MBD5: variants seen among roughly 807,000 people sequenced by gnomAD.
MBD5 encodes methyl-CpG binding domain protein 5.
A neutral mutation model predicts 117.3 loss-of-function variants in MBD5; 13 were observed. That is an observed-to-expected ratio of 0.11 (90% CI 0.07 to 0.18). The LOEUF (loss-of-function observed/expected upper bound fraction) is 0.18, where lower values mean the gene tolerates loss of function less well. Among genes scored for constraint, MBD5 ranks in the 10% least tolerant of loss-of-function variants. The probability of loss-of-function intolerance (pLI) is 1.00; values close to 1 mark genes in which losing one functional copy is unlikely to be tolerated. For synonymous variants in MBD5, 727 were observed against 766.4 expected, an observed-to-expected ratio of 0.95 and a Z score of 0.85; for missense variants, 1,879 against 2,093.8, an observed-to-expected ratio of 0.90 and a Z score of 2.00.
At chr2:148,434,577 T>C (rs1390758167) in intron 4 of MBD5, among the ~76,000 whole-genome samples, 2 of 152,140 alleles carry the variant, frequency 1.3e-5, no homozygotes, top group African/African-American at 4.8e-5. Flanking sequence ...TGAGTGATTA[T>C]CTTACTGTTG....
intron 12 of MBD5, among the ~76,000 whole-genome samples, chr2:148,503,654 G>A (rs12466963): frequency 0.1 from 15,953 of 152,174 alleles, 967 homozygotes; most frequent in South Asian, 0.14. Context: ...TCCTTTAAAA[G>A]GTAGCAAATT....
At chr2:148,371,215 C>A (rs931556939) in intron 4 of MBD5, among the ~76,000 whole-genome samples, 22 of 152,084 alleles carry the variant, frequency 1.4e-4, no homozygotes, top group Admixed American at 1.4e-3. Context: ...AATACTCTTG[C>A]CCTTTTAATG....
chr2:148,390,899 A>G (rs1704554232), intron 4 of MBD5, among the ~76,000 whole-genome samples: 1 of 152,222 alleles, frequency 6.6e-6, no homozygotes, highest in African/African-American at 2.4e-5. Context: ...TAAATAAAAT[A>G]TACATCCTAT....
At chr2:148,446,113 C>A (rs532190429) in intron 4 of MBD5, among the ~76,000 whole-genome samples, 1 of 151,030 alleles carries the variant, frequency 6.6e-6, no homozygotes, top group Non-Finnish European at 1.5e-5. Flanking sequence ...GTTTCTTTTG[C>A]TGTGCACAAG....
chr2:148,401,797 G>A (rs923174910), intron 4 of MBD5, among the ~76,000 whole-genome samples: 2 of 151,838 alleles, frequency 1.3e-5, no homozygotes, highest in African/African-American at 4.8e-5. Flanking sequence ...ATCTTTTTCA[G>A]GATCCAATCC....
At chr2:148,335,376 G>A (rs1479193261) in intron 3 of MBD5, among the ~76,000 whole-genome samples, 2 of 152,008 alleles carry the variant, frequency 1.3e-5, no homozygotes, top group Non-Finnish European at 2.9e-5. Context: ...GCAAGACCCT[G>A]TCTCAGAACA....
At position 148,485,881 on chromosome 2, in the gene MBD5, C is replaced by T. The variant is rs1416918558; in HGVS notation, c.3684C>T (p.Phe1228=). ...LLQGYQNLQA[F]QGQSTIPCPA... ...AGGGGTACCAGAATCTCCAGGCGTT[C>T]CAAGGACAGTCCACAATTCCTTGCC... is the stretch of plus-strand genomic sequence containing the variant. The change falls in exon 10 of 14, where the codon TTC becomes TTT. Residue 1228 remains phenylalanine (F), a synonymous_variant. Coordinates refer to ENST00000642680, the MANE Select transcript of MBD5 (RefSeq NM_001378120.1). 6.2e-7 allele frequency: 1 copy of T among 1,614,000 alleles called. No homozygotes were observed. The highest frequency in any genetic ancestry group is 8.5e-7 in the Non-Finnish European group (1 of 1,179,996).
intron 4 of MBD5, among the ~76,000 whole-genome samples, chr2:148,352,755 G>T (rs573605109): frequency 2.6e-5 from 4 of 152,002 alleles, no homozygotes; most frequent in Non-Finnish European, 5.9e-5. Context: ...CTTATGGAAT[G>T]CTTGGAACCA....
At chr2:148,504,918 C>G (rs1205448506) in intron 12 of MBD5, among the ~76,000 whole-genome samples, 1 of 152,028 alleles carries the variant, frequency 6.6e-6, no homozygotes, top group African/African-American at 2.4e-5. Flanking sequence ...TTGGAAGTGC[C>G]TAAAGGGGGC....
At chr2:148,306,069 A>G (rs527415766) in intron 3 of MBD5, among the ~76,000 whole-genome samples, 19 of 152,210 alleles carry the variant, frequency 1.2e-4, no homozygotes, top group Non-Finnish European at 2.6e-4. Flanking sequence ...TGAACTTTTC[A>G]TAAGGAATCT....
At chr2:148,425,162 G>T (rs1705738907) in intron 4 of MBD5, among the ~76,000 whole-genome samples, 1 of 151,944 alleles carries the variant, frequency 6.6e-6, no homozygotes, top group African/African-American at 2.4e-5. Flanking sequence ...AGGACAGAGA[G>T]AAGAATCAAC....
chr2:148,460,460 G>C (rs894124880), intron 5 of MBD5, among the ~76,000 whole-genome samples: 1 of 152,084 alleles, frequency 6.6e-6, no homozygotes, highest in African/African-American at 2.4e-5. Context: ...AAATTAACCA[G>C]CATAGATTTA....
chr2:148,361,904 T>A (rs997115379), intron 4 of MBD5, among the ~76,000 whole-genome samples: 3 of 152,204 alleles, frequency 2.0e-5, no homozygotes, highest in African/African-American at 7.2e-5. Context: ...CTCCCTCCCC[T>A]AGCCAAGGGA....
chr2:148,105,885 C>T (rs1286418225), intron 1 of MBD5, among the ~76,000 whole-genome samples: 1 of 151,816 alleles, frequency 6.6e-6, no homozygotes, highest in African/African-American at 2.4e-5. Context: ...TTTTTGTTTT[C>T]ATTTTGAGAT....
chr2:148,305,601 C>T (rs1248417096), intron 3 of MBD5, among the ~76,000 whole-genome samples: 1 of 152,272 alleles, frequency 6.6e-6, no homozygotes, highest in African/African-American at 2.4e-5. Context: ...ATCGGGTGAA[C>T]TTTCTGAGGG....
chr2:148,046,112 T>A (rs934611125), intron 1 of MBD5, among the ~76,000 whole-genome samples: 1 of 150,560 alleles, frequency 6.6e-6, no homozygotes, highest in Admixed American at 6.7e-5. Flanking sequence ...GCCCCTCGAG[T>A]AGCTGGGACT....
chr2:148,365,344 T>C (rs749307050), intron 4 of MBD5, among the ~76,000 whole-genome samples: 30 of 152,158 alleles, frequency 2.0e-4, no homozygotes, highest in Admixed American at 3.3e-4. Context: ...AAAGCAGTCT[T>C]AGAGGGACAT....
At chr2:148,158,933 A>G (rs562034240) in intron 1 of MBD5, among the ~76,000 whole-genome samples, 2 of 152,352 alleles carry the variant, frequency 1.3e-5, no homozygotes, top group Admixed American at 1.3e-4. Context: ...CGTGTTAGCC[A>G]GGATGGTCTC....
At chr2:148,091,380 A>C (rs1450347889) in intron 1 of MBD5, among the ~76,000 whole-genome samples, 1 of 152,184 alleles carries the variant, frequency 6.6e-6, no homozygotes, top group African/African-American at 2.4e-5. Context: ...ACAAATCTAG[A>C]GGCATCACAT....
Sources: gnomAD v4.1 joint callset for allele counts (sites outside exome capture counted in the v4.1 genomes callset) on GRCh38, gnomAD v4.1.1 for gene constraint, MANE v1.5 for transcripts, NCBI Gene and HGNC (gene_info 2026-07-23, HGNC 2026-07-21) for gene names.